Variants in CELF1 observed in about 807,000 individuals in gnomAD.
The protein encoded by CELF1 is 50 kDa nuclear polyadenylated RNA-binding protein.
CELF1 carries 10 observed loss-of-function variants against 61.8 expected under a neutral mutation model. That is an observed-to-expected ratio of 0.16 (90% CI 0.10 to 0.27). The LOEUF is 0.27. Among genes scored for constraint, CELF1 ranks in the 10% least tolerant of loss-of-function variants. The pLI is 1.00. For missense variants in CELF1, 380 were observed against 639.1 expected (o/e 0.59, Z 4.37); for synonymous variants, 236 against 225.1 (o/e 1.05, Z -0.43).
At chr11:47,555,581 G>A (rs902145532), upstream of CELF1, among the ~76,000 whole-genome samples, 1 of 152,030 alleles carries the variant, frequency 6.6e-6, no homozygotes, top group Non-Finnish European at 1.5e-5. Context: ...AACTTCAAAG[G>A]GTTTCAGCAA....
At chr11:47,476,348 G>C (rs1596138454) in intron 12 of CELF1, among the ~76,000 whole-genome samples, 1 of 152,290 alleles carries the variant, frequency 6.6e-6, no homozygotes, top group South Asian at 2.1e-4. Flanking sequence ...TCAAAGATGA[G>C]AAAATGTCCT....
intron 1 of CELF1, chr11:47,513,824 C>T: frequency 6.6e-6 from 1 of 151,898 alleles, no homozygotes. Flanking sequence ...TTCCATTTCC[C>T]CAACTTTAAT....
At chr11:47,538,928 C>T (rs967204926) in intron 1 of CELF1, among the ~76,000 whole-genome samples, 36 of 152,282 alleles carry the variant, frequency 2.4e-4, no homozygotes, top group Non-Finnish European at 4.9e-4. Context: ...AGAGAGACTC[C>T]ATCAACTGGG....
intron 1 of CELF1, among the ~76,000 whole-genome samples, chr11:47,545,883 G>C (rs1305503376): frequency 8.0e-6 from 1 of 124,850 alleles, no homozygotes; most frequent in East Asian, 3.2e-4. Context: ...GTGTGTGTGT[G>C]TGTGTGTGTG....
intron 1 of CELF1, chr11:47,506,738 A>G (rs1380134920): frequency 6.6e-6 from 1 of 152,252 alleles, no homozygotes; most frequent in East Asian, 1.9e-4. Context: ...TTATCCCATA[A>G]TGTACAAAAG....
At chr11:47,493,518 A>AG (rs1285516541) in intron 3 of CELF1, among the ~76,000 whole-genome samples, 2 of 145,970 alleles carry the variant, frequency 1.4e-5, no homozygotes, top group African/African-American at 5.4e-5. Context: ...AAAAAGAAAA[A>AG]AAAAAAAAAA....
At chr11:47,511,940 C>T (rs2095223385) in intron 1 of CELF1, among the ~76,000 whole-genome samples, 1 of 152,118 alleles carries the variant, frequency 6.6e-6, no homozygotes, top group Non-Finnish European at 1.5e-5. Flanking sequence ...CCTCTGCCTC[C>T]CGGGTTCAAG....
At chr11:47,500,815 A>G (rs1403957877) in intron 2 of CELF1, 46 bp downstream of exon 2, 2 of 398,284 alleles carry the variant, frequency 5.0e-6, no homozygotes, top group Non-Finnish European at 8.9e-6. Context: ...AAGGCTCCCA[A>G]ATTTCACAGG....
At chr11:47,557,226 G>T (rs1051129507), upstream of CELF1, among the ~76,000 whole-genome samples, 18 of 137,810 alleles carry the variant, frequency 1.3e-4, no homozygotes, top group Admixed American at 2.9e-4. Context: ...GTTTTGTTTT[G>T]TTTTTTTTTT....
At chr11:47,558,479 T>C (rs1200495122) in intron 2 of CELF1, among the ~76,000 whole-genome samples, 1 of 125,940 alleles carries the variant, frequency 7.9e-6, no homozygotes, top group Non-Finnish European at 1.6e-5. Context: ...CCCTCATATA[T>C]ATATTATATA....
At chr11:47,509,896 T>TC (rs2094931334) in intron 1 of CELF1, among the ~76,000 whole-genome samples, 1 of 19,314 alleles carries the variant, frequency 5.2e-5, no homozygotes, top group African/African-American at 1.6e-4. Flanking sequence ...GTGTGGTGTC[T>TC]CAAAAAAAAA....
chr11:47,536,387 C>A (rs200222019), intron 1 of CELF1, among the ~76,000 whole-genome samples: 3 of 152,208 alleles, frequency 2.0e-5, no homozygotes, highest in African/African-American at 4.8e-5. Flanking sequence ...GATAGATAGA[C>A]AGACTGATAG....
intron 1 of CELF1, among the ~76,000 whole-genome samples, chr11:47,551,302 C>A (rs969599799): frequency 6.6e-6 from 1 of 152,140 alleles, no homozygotes; most frequent in African/African-American, 2.4e-5. Flanking sequence ...AGGTGGTGGA[C>A]TGTCATGAGG....
chr11:47,518,022 T>C (rs962028738), intron 1 of CELF1, among the ~76,000 whole-genome samples: 9 of 151,778 alleles, frequency 5.9e-5, no homozygotes, highest in Admixed American at 5.3e-4. Context: ...CTTGTCCACT[T>C]CCCCCTGCAA....
intron 1 of CELF1, among the ~76,000 whole-genome samples, chr11:47,542,506 T>C (rs553443893): frequency 0.016 from 2,381 of 151,064 alleles, 55 homozygotes; most frequent in African/African-American, 0.048. Flanking sequence ...ATTTTTTTTT[T>C]TTTTTTTTTT....
At chr11:47,513,941 T>TTTCC (rs1555182176) in intron 1 of CELF1, 1 of 149,994 alleles carries the variant, frequency 6.7e-6, no homozygotes, top group African/African-American at 2.5e-5. Flanking sequence ...CTTTTTTTTT[T>TTTCC]CCCCCCAGAT....
In CELF1 at chr11:47,488,690, A is replaced by T. The variant is rs1596533368; in HGVS notation, c.259+147T>A. On this transcript the variant is annotated intron_variant, in intron 4 of 14. Transcript: ENST00000687097. ...TTTTTCCAATAGACAGACAGACAGG[A>T]GTATTCTGGCAATGACAGAGAGAAT... The T allele has an allele frequency of 7.3e-6, 4 of 549,416 alleles. No individual in the cohort carries two copies. In the East Asian group the frequency reaches 1.2e-4, roughly 17 times the overall value. 34.0% of individuals were successfully genotyped at this position (549,416 alleles called of 1,614,324 possible).
chr11:47,504,765 G>C (rs1276495348), intron 1 of CELF1, among the ~76,000 whole-genome samples: 4 of 150,772 alleles, frequency 2.7e-5, no homozygotes, highest in African/African-American at 9.7e-5. Context: ...AGCCGGATGT[G>C]GTGGCAGGTG....
At chr11:47,500,079 G>C (rs1170032686) in intron 2 of CELF1, among the ~76,000 whole-genome samples, 2 of 152,156 alleles carry the variant, frequency 1.3e-5, no homozygotes, top group Non-Finnish European at 2.9e-5. Context: ...CCTCAGAACA[G>C]TCACATAAAG....
Sources: gnomAD v4.1 joint callset for allele counts (sites outside exome capture counted in the v4.1 genomes callset) on GRCh38, gnomAD v4.1.1 for gene constraint, MANE v1.5 for transcripts, NCBI Gene and HGNC (gene_info 2026-07-23, HGNC 2026-07-21) for gene names.